Variants in CSMD1 observed in about 807,000 individuals in gnomAD.
CSMD1 encodes CUB and sushi domain-containing protein 1.
A neutral mutation model predicts 417.5 loss-of-function variants in CSMD1; 213 were observed. The ratio of observed to expected loss-of-function variants is 0.51; its 90% CI spans 0.46 to 0.57. CSMD1 has a LOEUF of 0.57. CSMD1 is among the 20% of genes least tolerant of loss of function. The pLI, the probability that CSMD1 is intolerant of heterozygous loss-of-function variation, is 0.00. For synonymous variants in CSMD1, 2,862 were observed against 1,736.8 expected (o/e 1.65, Z -16.11); for missense variants, 6,923 against 4,529.7 (o/e 1.53, Z -15.17).
At chr8:4,654,756 AT>A (rs1804123411) in intron 1 of CSMD1, among the ~76,000 whole-genome samples, 1 of 152,066 alleles carries the variant, frequency 6.6e-6, no homozygotes, top group African/African-American at 2.4e-5. Flanking sequence ...AGAAAACTTT[AT>A]TTTTTGGGTC....
intron 3 of CSMD1, among the ~76,000 whole-genome samples, chr8:4,361,277 A>C (rs1801743337): frequency 6.6e-6 from 1 of 152,184 alleles, no homozygotes; most frequent in African/African-American, 2.4e-5. Context: ...ATTACTACTT[A>C]CTCATAAATA....
intron 6 of CSMD1, among the ~76,000 whole-genome samples, chr8:3,718,577 A>G (rs1282058592): frequency 2.6e-5 from 4 of 152,208 alleles, no homozygotes; most frequent in Non-Finnish European, 5.9e-5. Flanking sequence ...TAGCAGCACT[A>G]AATTAAAAGA....
At chr8:4,432,798 T>G (rs773816651) in intron 2 of CSMD1, among the ~76,000 whole-genome samples, 2 of 152,192 alleles carry the variant, frequency 1.3e-5, no homozygotes, top group African/African-American at 2.4e-5. Flanking sequence ...TTTTGGTTAT[T>G]GATTAGAAAC....
intron 27 of CSMD1, among the ~76,000 whole-genome samples, chr8:3,228,646 A>C (rs1798654487): frequency 6.6e-6 from 1 of 152,216 alleles, no homozygotes; most frequent in African/African-American, 2.4e-5. Context: ...TTATAGATTC[A>C]TTAGGAGATG....
chr8:4,572,729 T>C (rs960598936), intron 2 of CSMD1, among the ~76,000 whole-genome samples: 26 of 152,196 alleles, frequency 1.7e-4, no homozygotes, highest in African/African-American at 5.5e-4. Context: ...CTTGGTTCCA[T>C]TCTCCCCGTC....
intron 5 of CSMD1, among the ~76,000 whole-genome samples, chr8:3,775,473 T>C (rs983167224): frequency 3.9e-5 from 6 of 152,164 alleles, no homozygotes; most frequent in Non-Finnish European, 5.9e-5. Flanking sequence ...ATGATACTCA[T>C]GAAAAGGACA....
chr8:3,845,849 A>C (rs1257985180), intron 5 of CSMD1, among the ~76,000 whole-genome samples: 1 of 150,782 alleles, frequency 6.6e-6, no homozygotes, highest in African/African-American at 2.4e-5. Context: ...TTTACTTTCT[A>C]TACTTCTTTT....
At chr8:4,210,002 C>T (rs1800213487) in intron 3 of CSMD1, among the ~76,000 whole-genome samples, 1 of 152,098 alleles carries the variant, frequency 6.6e-6, no homozygotes, top group African/African-American at 2.4e-5. Flanking sequence ...TGCTTCTGCC[C>T]CAGATCTGTT....
chr8:3,895,407 T>C (rs1807293315), intron 5 of CSMD1, among the ~76,000 whole-genome samples: 1 of 152,114 alleles, frequency 6.6e-6, no homozygotes, highest in Non-Finnish European at 1.5e-5. Flanking sequence ...TGATTGTGGG[T>C]TTCTGTGGCC....
intron 5 of CSMD1, among the ~76,000 whole-genome samples, chr8:3,840,864 C>T (rs1351499655): frequency 4.0e-5 from 6 of 151,644 alleles, no homozygotes; most frequent in South Asian, 2.1e-4. Context: ...CCTGTGACTA[C>T]GCCCATTAAT....
intron 50 of CSMD1, among the ~76,000 whole-genome samples, chr8:3,030,184 T>C (rs1319105087): frequency 6.6e-6 from 1 of 152,060 alleles, no homozygotes; most frequent in African/African-American, 2.4e-5. Context: ...AGTAGTAGTA[T>C]ACTATTACCA....
rs548784388 is a variant in CSMD1, at chr8:3,129,984, A to T, written c.6242-11397T>A. ...TAACAGAGTGAGACTCTGTCCCAAA[A>T]AAAAAAGAAAAGAAAAGTTAAATGT... is the stretch of plus-strand genomic sequence containing the variant. On this transcript the variant is annotated intron_variant, in intron 41 of 69. Transcript: ENST00000635120. Among the ~76,000 whole-genome samples the T allele has an allele frequency of 2.1e-4, 32 of 152,254 alleles. No individual in the cohort carries two copies. In the South Asian group the frequency reaches 2.3e-3, roughly 11 times the overall value.
chr8:4,925,288 T>C (rs1363653369), intron 1 of CSMD1, among the ~76,000 whole-genome samples: 1 of 124,750 alleles, frequency 8.0e-6, no homozygotes, highest in Non-Finnish European at 1.6e-5. Context: ...AGAGTTCAAC[T>C]TGAAGGTTAA....
At chr8:4,631,615 T>A (rs1214099682) in intron 2 of CSMD1, among the ~76,000 whole-genome samples, 2 of 152,186 alleles carry the variant, frequency 1.3e-5, no homozygotes, top group Non-Finnish European at 2.9e-5. Context: ...TCATGGTGTG[T>A]AACCTAACTA....
At chr8:4,870,487 T>C (rs1321448778) in intron 1 of CSMD1, among the ~76,000 whole-genome samples, 1 of 152,114 alleles carries the variant, frequency 6.6e-6, no homozygotes, top group African/African-American at 2.4e-5. Flanking sequence ...TTGATAGACA[T>C]GTTTGGGTTT....
At chr8:3,939,164 T>C (rs115216969) in intron 5 of CSMD1, among the ~76,000 whole-genome samples, 3,869 of 152,212 alleles carry the variant, frequency 0.025, 153 homozygotes, top group African/African-American at 0.088. Context: ...CAATCTAACA[T>C]AGTTTCTGAG....
chr8:4,785,977 C>A (rs1797381439), intron 1 of CSMD1, among the ~76,000 whole-genome samples: 1 of 152,210 alleles, frequency 6.6e-6, no homozygotes, highest in Non-Finnish European at 1.5e-5. Flanking sequence ...AGACATCCTG[C>A]ATGGTAGCCA....
intron 7 of CSMD1, among the ~76,000 whole-genome samples, chr8:3,672,783 C>G (rs1191891141): frequency 2.0e-5 from 3 of 152,184 alleles, no homozygotes; most frequent in African/African-American, 7.2e-5. Context: ...GGCTCTTCTC[C>G]TGGGAGAACC....
intron 10 of CSMD1, among the ~76,000 whole-genome samples, chr8:3,518,051 T>G (rs1057004954): frequency 6.6e-6 from 1 of 152,124 alleles, no homozygotes; most frequent in Non-Finnish European, 1.5e-5. Flanking sequence ...AGATTTATCA[T>G]CAGATTCAAG....
Sources: allele counts gnomAD v4.1 joint callset (sites outside exome capture counted in the v4.1 genomes callset), GRCh38; gene constraint gnomAD v4.1.1; transcripts MANE v1.5; gene names NCBI Gene and HGNC (gene_info 2026-07-23, HGNC 2026-07-21).